The following FRMD3 variants were observed in gnomAD, a reference collection of about 807,000 sequenced individuals.
The protein encoded by FRMD3 is FERM domain containing 3, also known as FERM domain-containing protein 3.
A neutral mutation model predicts 70.2 loss-of-function variants in FRMD3; 33 were observed. That is an observed-to-expected ratio of 0.47 (90% CI 0.36 to 0.63). The LOEUF (loss-of-function observed/expected upper bound fraction) is 0.63, where lower values mean the gene tolerates loss of function less well. FRMD3 is among the 20% of genes least tolerant of loss of function. The probability of loss-of-function intolerance (pLI) is 0.00; values close to 1 mark genes in which losing one functional copy is unlikely to be tolerated. For synonymous variants in FRMD3, 279 were observed against 255.9 expected (o/e 1.09, Z -0.86); for missense variants, 632 against 711.4 (o/e 0.89, Z 1.27).
intron 13 of FRMD3, among the ~76,000 whole-genome samples, chr9:83,274,643 G>A (rs1312919473): frequency 6.6e-6 from 1 of 152,180 alleles, no homozygotes; most frequent in Non-Finnish European, 1.5e-5. Flanking sequence ...GTCCAGGTGG[G>A]ACAAAAGGCC....
At chr9:83,558,284 G>GCACA in the FRMD3 span, among the ~76,000 whole-genome samples, 16 of 152,028 alleles carry the variant, frequency 1.1e-4, no homozygotes, top group African/African-American at 3.9e-4. Context: ...GTGTGCGCGC[G>GCACA]CGCACGCACA....
chr9:83,551,273 A>T, the FRMD3 span, among the ~76,000 whole-genome samples: 1 of 152,304 alleles, frequency 6.6e-6, no homozygotes, highest in Non-Finnish European at 1.5e-5. Flanking sequence ...GTGATGAATC[A>T]CATTTATTGA....
At chr9:83,445,890 G>T (rs1374509791) in intron 1 of FRMD3, among the ~76,000 whole-genome samples, 1 of 152,220 alleles carries the variant, frequency 6.6e-6, no homozygotes, top group Non-Finnish European at 1.5e-5. Context: ...AGAGTCTGTG[G>T]TGAGGGTTTG....
chr9:83,340,657 GTGTT>G (rs1313352875), intron 5 of FRMD3, among the ~76,000 whole-genome samples: 2 of 152,218 alleles, frequency 1.3e-5, no homozygotes, highest in Admixed American at 1.3e-4. Flanking sequence ...CAAGGATTCT[GTGTT>G]TGTTTTGCAA....
rs529086407 is a variant in FRMD3, at chr9:83,371,646, C to T, written c.295+1267G>A. On this transcript the variant is annotated intron_variant, in intron 3 of 13. Transcript: ENST00000304195. ...CTATCTGGATGCACATCCCAACTCT[C>T]TTCCGCTCTTGCCCCAATTCTGCTC... Among the ~76,000 whole-genome samples, 11 of 152,346 alleles carry T rather than the reference C, an allele frequency of 7.2e-5. No individual in the cohort carries two copies. The South Asian group carries it at 2.3e-3, about 32-fold the overall frequency.
At chr9:83,302,246 A>G (rs1214793199) in intron 10 of FRMD3, among the ~76,000 whole-genome samples, 1 of 152,148 alleles carries the variant, frequency 6.6e-6, no homozygotes, top group African/African-American at 2.4e-5. Context: ...CTTGATCATG[A>G]GAGATTCTGA....
chr9:83,490,786 TCTCTCTCTCTCTCACACACACA>T (rs1828801745), intron 1 of FRMD3, among the ~76,000 whole-genome samples: 3 of 128,456 alleles, frequency 2.3e-5, no homozygotes, highest in African/African-American at 9.4e-5. Flanking sequence ...TCTCTCTCTC[TCTCTCTCTCTCTCACACACACA>T]CACACACACA....
chr9:83,532,361 G>A (rs906322833), intron 1 of FRMD3, among the ~76,000 whole-genome samples: 1 of 152,096 alleles, frequency 6.6e-6, no homozygotes, highest in Non-Finnish European at 1.5e-5. Flanking sequence ...TGAACAAGAT[G>A]CCTTTTAGCT....
intron 6 of FRMD3, among the ~76,000 whole-genome samples, chr9:83,320,139 G>T (rs553361129): frequency 1.1e-4 from 16 of 152,032 alleles, no homozygotes; most frequent in Non-Finnish European, 1.9e-4. Context: ...CAACTTGGAT[G>T]TCTTTTTTTT....
chr9:83,555,460 ACT>A, the FRMD3 span, among the ~76,000 whole-genome samples: 1 of 151,786 alleles, frequency 6.6e-6, no homozygotes, highest in Non-Finnish European at 1.5e-5. Context: ...GTTGGCTCAG[ACT>A]CTCCAAAGCC....
chr9:83,397,434 C>A, intron 1 of FRMD3, among the ~76,000 whole-genome samples: 1 of 152,108 alleles, frequency 6.6e-6, no homozygotes, highest in Non-Finnish European at 1.5e-5. Flanking sequence ...TTTGGGCTGC[C>A]CTCTAAAGCT....
the FRMD3 span, among the ~76,000 whole-genome samples, chr9:83,549,527 T>G: frequency 6.6e-6 from 1 of 152,266 alleles, no homozygotes; most frequent in Non-Finnish European, 1.5e-5. Flanking sequence ...ATCACTATAC[T>G]GCTTCTCACA....
intron 12 of FRMD3, among the ~76,000 whole-genome samples, chr9:83,292,036 C>T (rs886416878): frequency 2.6e-5 from 4 of 152,174 alleles, no homozygotes; most frequent in African/African-American, 9.7e-5. Context: ...ATTTACTCTG[C>T]AGCTGATATA....
chr9:83,485,250 C>A lies in FRMD3; in HGVS notation c.147+52835G>T, dbSNP rs143569676. On this transcript the variant is annotated intron_variant, in intron 1 of 13. Transcript: ENST00000304195. ...AGTTAATAATTCTGATGTTGAAATG[C>A]CCTTCAGTAATTTGATGTGGAAAAT... is the stretch of plus-strand genomic sequence containing the variant. Among the ~76,000 whole-genome samples, 1,137 of 152,240 alleles carry A rather than the reference C, an allele frequency of 7.5e-3. 20 individuals carry two copies. The highest frequency in any genetic ancestry group is 0.026 in the African/African-American group (1,094 of 41,526).
Position 83,248,373 on chromosome 9 carries a change from A to C in FRMD3, c.1339T>G (p.Tyr447Asp). 6.2e-7 allele frequency: 1 copy of C among 1,614,186 alleles called. No homozygotes were observed. Among genetic ancestry groups the C allele is most frequent in the Admixed American group, 1.7e-5 (1 of 60,026 alleles). The stretch of plus-strand genomic sequence containing the variant: ...GGGAGCAGGCTGGCACTTGGGTTGT[A>C]CACTAGTTCAGAGATGGTTAAAGGT... ...EEPLTISELV[Y>D]NPSASLLPTP... is the part of the protein sequence containing the mutation. The change falls in exon 14 of 14, where the codon TAC becomes GAC. Residue 447 changes from tyrosine to aspartate, a missense_variant. Tyr to Asp is a radical substitution (Grantham distance 160). Around this residue, in one of 3 missense-constraint regions of FRMD3, gnomAD observed 418 missense variants for 442.1 expected, o/e 0.95. Coordinates refer to ENST00000304195, the MANE Select transcript of FRMD3 (RefSeq NM_174938.6).
chr9:83,525,761 C>A (rs1829671240), intron 1 of FRMD3, among the ~76,000 whole-genome samples: 1 of 152,094 alleles, frequency 6.6e-6, no homozygotes, highest in African/African-American at 2.4e-5. Context: ...TGTGGCTGCC[C>A]CATTTGTAGA....
intron 2 of FRMD3, among the ~76,000 whole-genome samples, chr9:83,386,372 T>G (rs1825511016): frequency 1.3e-5 from 2 of 152,304 alleles, no homozygotes. Flanking sequence ...AGTGGCTACA[T>G]GAGATAAGAC....
intron 3 of FRMD3, among the ~76,000 whole-genome samples, chr9:83,356,164 G>A (rs1824328834): frequency 6.6e-6 from 1 of 152,068 alleles, no homozygotes; most frequent in African/African-American, 2.4e-5. Flanking sequence ...GCAAGATCCT[G>A]GGTGAAAGGG....
At chr9:83,568,667 TGATCA>T in the FRMD3 span, among the ~76,000 whole-genome samples, 24,896 of 151,990 alleles carry the variant, frequency 0.16, 2,319 homozygotes, top group Non-Finnish European at 0.21. Flanking sequence ...GGAGAATTAC[TGATCA>T]AAAGGTATAA....
Sources: gnomAD v4.1 joint callset for allele counts (sites outside exome capture counted in the v4.1 genomes callset) on GRCh38, gnomAD v4.1.1 for gene constraint, gnomAD v4.1.1 regional missense constraint, MANE v1.5 for transcripts, NCBI Gene and HGNC (gene_info 2026-07-23, HGNC 2026-07-21) for gene names.